The following TREM1 variants were observed in gnomAD, a reference collection of about 807,000 sequenced individuals.
The protein encoded by TREM1 is triggering receptor expressed on myeloid cells 1.
Under a neutral mutation model 22.4 loss-of-function variants are expected in TREM1, and 16 were observed. The ratio of observed to expected loss-of-function variants is 0.71; its 90% CI spans 0.48 to 1.08. The LOEUF (loss-of-function observed/expected upper bound fraction) is 1.08, where lower values mean the gene tolerates loss of function less well. TREM1 is among the 50% of genes least tolerant of loss of function. The pLI is 0.00. For missense variants in TREM1, 283 were observed against 282.9 expected, an observed-to-expected ratio of 1.00 and a Z score of 0.00; for synonymous variants, 110 against 111.6, an observed-to-expected ratio of 0.99 and a Z score of 0.09.
chr6:41,285,349 C>A (rs1768119654), intron 1 of TREM1, among the ~76,000 whole-genome samples: 1 of 152,148 alleles, frequency 6.6e-6, no homozygotes, highest in African/African-American at 2.4e-5. Context: ...CTTATTTAAT[C>A]TTTATAAAGT....
intron 1 of TREM1, among the ~76,000 whole-genome samples, chr6:41,283,344 T>A (rs1768013889): frequency 6.6e-6 from 1 of 152,168 alleles, no homozygotes; most frequent in Non-Finnish European, 1.5e-5. Context: ...GGAACGATCC[T>A]GTGTGGCTCT....
At chr6:41,270,526 C>A (rs1767453975), downstream of TREM1, among the ~76,000 whole-genome samples, 1 of 149,742 alleles carries the variant, frequency 6.7e-6, no homozygotes, top group Admixed American at 6.7e-5. Context: ...AGGCAAATAT[C>A]CATCATGGTT....
At position 41,281,029 on chromosome 6, in the gene TREM1, G is replaced by T. The variant is rs755918276; in HGVS notation, c.531C>A (p.Pro177=). The change falls in exon 3 of 4, where the codon CCC becomes CCA. Residue 177 remains proline, a synonymous_variant. Coordinates refer to ENST00000244709, the MANE Select transcript of TREM1 (RefSeq NM_018643.5). Reference sequence around the variant, plus strand: ...GAGTGGAGACATCGGCAGTTGACTTGGGTGGAGCTTGGGTCACAGTTCTGG... The same window carrying T: ...GAGTGGAGACATCGGCAGTTGACTTTGGTGGAGCTTGGGTCACAGTTCTGG... ...TSPRTVTQAP[P]KSTADVSTPD... 6.2e-7 allele frequency: 1 copy of T among 1,614,230 alleles called. No individual in the cohort carries two copies. Among genetic ancestry groups the T allele is most frequent in the Non-Finnish European group, 8.5e-7 (1 of 1,180,050 alleles).
At chr6:41,271,004 C>A (rs967734238), downstream of TREM1, among the ~76,000 whole-genome samples, 1 of 152,204 alleles carries the variant, frequency 6.6e-6, no homozygotes, top group Admixed American at 6.5e-5. Context: ...TAGCACTTGG[C>A]CTCACACAGC....
At chr6:41,271,462 T>G (rs1189148096), downstream of TREM1, among the ~76,000 whole-genome samples, 1 of 152,236 alleles carries the variant, frequency 6.6e-6, no homozygotes, top group African/African-American at 2.4e-5. Context: ...CATTCCCTTC[T>G]GTGCCCTGCT....
intron 2 of TREM1, 139 bp from the exon 3 acceptor site, chr6:41,281,292 G>A (rs1171755442): frequency 2.9e-6 from 3 of 1,028,994 alleles, no homozygotes; most frequent in Non-Finnish European, 4.1e-6. Context: ...AAATGAAGCT[G>A]AGGAGGGAAA....
rs967673982 is a variant in TREM1 at position 41,275,477 on chromosome 6, T to C, written c.*648A>G. 6.6e-6 allele frequency: 1 copy of C among 152,364 alleles called. No homozygotes were observed. The highest frequency in any genetic ancestry group is 2.4e-5 in the African/African-American group (1 of 41,436). 9.4% of individuals were successfully genotyped at this position (152,364 alleles called of 1,614,324 possible). ...ACACAGGATGTCTGACATGGTCTGT[T>C]GTTGCTCTCCTATGGATCCCATCTC... On this transcript the variant is annotated 3_prime_UTR_variant, in exon 4 of 4. Coordinates refer to ENST00000244709, the MANE Select transcript of TREM1 (RefSeq NM_018643.5).
intron 3 of TREM1, chr6:41,279,657 A>G: frequency 1.0e-6 from 1 of 985,462 alleles, no homozygotes; most frequent in Non-Finnish European, 1.2e-6. Flanking sequence ...CTCATAGAGA[A>G]ATTAGAGCAG....
At chr6:41,286,565 G>A (rs764757538) in intron 1 of TREM1, 42 bp downstream of exon 1, 36 of 1,610,738 alleles carry the variant, frequency 2.2e-5, no homozygotes, top group Non-Finnish European at 9.3e-6. Flanking sequence ...CCGAGATCCT[G>A]GACCAAACGC....
At chr6:41,269,374 C>T (rs529906463), downstream of TREM1, among the ~76,000 whole-genome samples, 6 of 152,318 alleles carry the variant, frequency 3.9e-5, no homozygotes, top group African/African-American at 1.2e-4. Flanking sequence ...ATTGACCAAA[C>T]GGGGCCCATT....
intron 3 of TREM1, 23 bp from the exon 4 acceptor site, chr6:41,276,253 C>G: frequency 6.3e-7 from 1 of 1,587,056 alleles, no homozygotes; most frequent in Non-Finnish European, 8.7e-7. Flanking sequence ...AGAGGCTGAA[C>G]GCTACTGCTG....
At chr6:41,269,418 G>T (rs922002257), downstream of TREM1, among the ~76,000 whole-genome samples, 2 of 152,160 alleles carry the variant, frequency 1.3e-5, no homozygotes, top group African/African-American at 4.8e-5. Flanking sequence ...AAATCAGATG[G>T]GTTCCTGTAA....
At position 41,282,601 on chromosome 6, in the gene TREM1, A is replaced by T. The variant is rs1310480977; in HGVS notation, c.200T>A (p.Leu67Gln). The change falls in exon 2 of 4, where the codon CTG (leucine) becomes CAG (glutamine). Residue 67 changes from leucine (L) to glutamine (Q), a missense_variant. Leu to Gln is a moderately radical substitution (Grantham distance 113). Coordinates refer to ENST00000244709, the MANE Select transcript of TREM1 (RefSeq NM_018643.5). Reference sequence around the variant, plus strand: ...CTTTGAAGGCCTCTCTGTGCATGCCAGGGTCTTGGGCATCTCTCCGTCCCT... The same window carrying T: ...CTTTGAAGGCCTCTCTGTGCATGCCTGGGTCTTGGGCATCTCTCCGTCCCT... ...IIRDGEMPKT[L>Q]ACTERPSKNS... 2 of 1,614,074 alleles carry T rather than the reference A, an allele frequency of 1.2e-6. No homozygotes were observed. The highest frequency in any genetic ancestry group is 2.7e-5 in the African/African-American group (2 of 74,918).
intron 3 of TREM1, chr6:41,280,584 G>C: frequency 8.2e-7 from 1 of 1,222,214 alleles, no homozygotes; most frequent in Non-Finnish European, 1.0e-6. Context: ...CTCACCCAAA[G>C]TCACATTCAG....
rs144585609 is a variant in TREM1, at chr6:41,281,017, G to A, written c.543C>T (p.Ala181=). Residue 181 remains alanine, a synonymous_variant, in exon 3 of 4, where the codon GCC becomes GCT. Transcript: ENST00000244709. ...TVTQAPPKST[A]DVSTPDSEIN... ...TTTCAGAGTCAGGAGTGGAGACATC[G>A]GCAGTTGACTTGGGTGGAGCTTGGG... 107 of 1,614,106 alleles carry A rather than the reference G, an allele frequency of 6.6e-5. No homozygotes were observed. Among genetic ancestry groups the A allele is most frequent in the East Asian group, 4.5e-4 (20 of 44,904 alleles).
chr6:41,283,720 AC>A (rs201692359), intron 1 of TREM1, among the ~76,000 whole-genome samples: 22 of 126,592 alleles, frequency 1.7e-4, no homozygotes, highest in South Asian at 2.4e-4. Flanking sequence ...AAAAAAAAAA[AC>A]ACACACACAC....
chr6:41,274,262 G>A lies in TREM1; in HGVS notation c.*1863C>T, dbSNP rs1270053219. Among the ~76,000 whole-genome samples, 1 of 152,124 alleles carries A rather than the reference G, an allele frequency of 6.6e-6. No homozygotes were observed. Among genetic ancestry groups the A allele is most frequent in the Admixed American group, 6.5e-5 (1 of 15,284 alleles). On this transcript the variant is annotated 3_prime_UTR_variant, in exon 4 of 4. Transcript: ENST00000244709. ...TCCACTAAGAGGGAGCTGTATACTA[G>A]TATACAGTAGGTCTGCAGGGGCCCT...
chr6:41,285,544 A>T (rs1768127325), intron 1 of TREM1, among the ~76,000 whole-genome samples: 1 of 152,232 alleles, frequency 6.6e-6, no homozygotes, highest in South Asian at 2.1e-4. Flanking sequence ...GGATTAGAGA[A>T]GTCCTGGCCC....
intron 3 of TREM1, among the ~76,000 whole-genome samples, chr6:41,268,318 A>C (rs1767387103): frequency 6.6e-6 from 1 of 152,238 alleles, no homozygotes; most frequent in South Asian, 2.1e-4. Flanking sequence ...CCTGTTATTT[A>C]TGGTTCAATG....
Sources: allele counts gnomAD v4.1 joint callset (sites outside exome capture counted in the v4.1 genomes callset), GRCh38; gene constraint gnomAD v4.1.1; transcripts MANE v1.5; gene names NCBI Gene and HGNC (gene_info 2026-07-23, HGNC 2026-07-21).